KCNH5: variants seen among roughly 807,000 people sequenced by gnomAD.
KCNH5 encodes the protein potassium voltage-gated channel subfamily H member 5, also known as voltage-gated delayed rectifier potassium channel KCNH5.
A neutral mutation model predicts 96.1 loss-of-function variants in KCNH5; 46 were observed. The ratio of observed to expected loss-of-function variants is 0.48; its 90% CI spans 0.38 to 0.61. KCNH5 has a LOEUF of 0.61. Ranked by LOEUF, KCNH5 falls within the 20% of genes least tolerant of loss-of-function variation. The pLI, the probability that KCNH5 is intolerant of heterozygous loss-of-function variation, is 0.00. For synonymous variants in KCNH5, 439 were observed against 449.8 expected (o/e 0.98, Z 0.30); for missense variants, 907 against 1,225.8 (o/e 0.74, Z 3.88).
At chr14:62,830,365 T>C (rs1887317865) in intron 8 of KCNH5, among the ~76,000 whole-genome samples, 1 of 152,186 alleles carries the variant, frequency 6.6e-6, no homozygotes, top group Non-Finnish European at 1.5e-5. Context: ...CTGGTATCAG[T>C]TTCCTGTATT....
rs1182818737 is a variant in KCNH5, at chr14:62,703,222, A to G, written c.*4286T>C. ...TGAAGTTTTATGCTTACCTGCCACTAGCAAACTATGCCTCTCTCCATTAAC... is the reference window on the plus strand; with the variant it reads ...TGAAGTTTTATGCTTACCTGCCACTGGCAAACTATGCCTCTCTCCATTAAC... On this transcript the variant is annotated 3_prime_UTR_variant, in exon 11 of 11. Coordinates refer to ENST00000322893, the MANE Select transcript of KCNH5 (RefSeq NM_139318.5). 6.6e-6 allele frequency: 1 copy of G among 151,918 alleles called. No homozygotes were observed. Among genetic ancestry groups the G allele is most frequent in the Non-Finnish European group, 1.5e-5 (1 of 67,796 alleles). The allele number at this position is 151,918 out of a possible 1,614,324, so 9.4% of individuals were successfully genotyped here.
intron 10 of KCNH5, among the ~76,000 whole-genome samples, chr14:62,762,295 C>A (rs990717066): frequency 2.0e-5 from 3 of 152,152 alleles, no homozygotes; most frequent in African/African-American, 4.8e-5. Context: ...TCTGAGTGAA[C>A]CCTGTCTTCT....
intron 8 of KCNH5, among the ~76,000 whole-genome samples, chr14:62,828,202 T>C (rs986784973): frequency 6.6e-6 from 1 of 152,160 alleles, no homozygotes; most frequent in South Asian, 2.1e-4. Flanking sequence ...TGTTTTTCTA[T>C]ATTTAATTTA....
At chr14:62,816,698 A>C (rs9635174) in intron 8 of KCNH5, among the ~76,000 whole-genome samples, 3 of 151,162 alleles carry the variant, frequency 2.0e-5, no homozygotes, top group African/African-American at 7.3e-5. Flanking sequence ...TAAATAATAT[A>C]TAAGAAACAA....
chr14:62,730,859 T>C (rs1395879755), intron 10 of KCNH5, among the ~76,000 whole-genome samples: 1 of 152,240 alleles, frequency 6.6e-6, no homozygotes, highest in East Asian at 1.9e-4. Flanking sequence ...TGTATTTAAC[T>C]ACATTCCAAA....
chr14:62,812,426 C>A (rs1048449369), intron 8 of KCNH5, among the ~76,000 whole-genome samples: 1 of 152,036 alleles, frequency 6.6e-6, no homozygotes. Flanking sequence ...TACTACTCAC[C>A]CAGAGGAAGA....
At chr14:62,933,021 C>T (rs1889610011) in intron 7 of KCNH5, among the ~76,000 whole-genome samples, 2 of 152,034 alleles carry the variant, frequency 1.3e-5, no homozygotes, top group African/African-American at 2.4e-5. Context: ...AATGGGTCCA[C>T]AAAAGAGAAA....
chr14:62,904,592 C>T (rs555947689), intron 7 of KCNH5, among the ~76,000 whole-genome samples: 3 of 152,270 alleles, frequency 2.0e-5, no homozygotes, highest in African/African-American at 2.4e-5. Context: ...CACACACACA[C>T]GCACATACAT....
At chr14:62,884,218 A>C (rs953551109) in intron 7 of KCNH5, among the ~76,000 whole-genome samples, 4 of 152,222 alleles carry the variant, frequency 2.6e-5, no homozygotes, top group Admixed American at 6.5e-5. Flanking sequence ...CGGCACTAAC[A>C]GCGCTCAGTA....
At chr14:62,855,700 T>C (rs1350191401) in intron 7 of KCNH5, among the ~76,000 whole-genome samples, 1 of 152,182 alleles carries the variant, frequency 6.6e-6, no homozygotes, top group Non-Finnish European at 1.5e-5. Flanking sequence ...TTTTAATATG[T>C]AATATAGTTT....
At chr14:63,017,028 G>C (rs1222970426) in intron 1 of KCNH5, 74 bp from the exon 2 acceptor site, 1 of 1,429,614 alleles carries the variant, frequency 7.0e-7, no homozygotes, top group Non-Finnish European at 9.5e-7. Flanking sequence ...TAATCAAAAA[G>C]GCAAACTTAT....
chr14:62,976,551 T>C (rs2139563149), intron 6 of KCNH5, among the ~76,000 whole-genome samples: 1 of 152,260 alleles, frequency 6.6e-6, no homozygotes, highest in Non-Finnish European at 1.5e-5. Flanking sequence ...AGTCATGCTT[T>C]TCCAGGCTGA....
At chr14:62,932,928 G>A (rs922302270) in intron 7 of KCNH5, among the ~76,000 whole-genome samples, 6 of 152,032 alleles carry the variant, frequency 3.9e-5, no homozygotes, top group African/African-American at 1.4e-4. Flanking sequence ...TTTAAAACAC[G>A]CATAATCTCA....
intron 7 of KCNH5, among the ~76,000 whole-genome samples, chr14:62,908,147 AC>A (rs1023484323): frequency 5.3e-5 from 8 of 152,164 alleles, no homozygotes; most frequent in South Asian, 2.1e-4. Flanking sequence ...ATTTTATTTG[AC>A]CAAAAAAGGG....
At chr14:62,843,476 A>G (rs970286639) in intron 8 of KCNH5, among the ~76,000 whole-genome samples, 4 of 133,454 alleles carry the variant, frequency 3.0e-5, no homozygotes, top group Admixed American at 1.7e-4. Flanking sequence ...CAGTGGGGTG[A>G]TCTCAGCTCA....
intron 7 of KCNH5, among the ~76,000 whole-genome samples, chr14:62,884,530 G>T (rs1262156142): frequency 1.3e-5 from 2 of 152,170 alleles, no homozygotes; most frequent in African/African-American, 4.8e-5. Flanking sequence ...AGAGGCTGAG[G>T]CAGGAGAATT....
In KCNH5 at chr14:62,705,950, C is replaced by T. The variant is rs541081824; in HGVS notation, c.*1558G>A. 2 of 152,152 alleles carry T rather than the reference C, an allele frequency of 1.3e-5. No homozygotes were observed. The highest frequency in any genetic ancestry group is 4.8e-5 in the African/African-American group (2 of 41,526). 9.4% of individuals were successfully genotyped at this position (152,152 alleles called of 1,614,324 possible). The stretch of plus-strand genomic sequence containing the variant: ...TCAACTTCATGCAAACACTAACTCC[C>T]CTGCTCCCCATATTAAATGCTGTGC... On this transcript the variant is annotated 3_prime_UTR_variant, in exon 11 of 11. Transcript: ENST00000322893.
chr14:62,756,512 A>G (rs147799072), intron 10 of KCNH5, among the ~76,000 whole-genome samples: 1 of 152,208 alleles, frequency 6.6e-6, no homozygotes, highest in African/African-American at 2.4e-5. Flanking sequence ...AGCAAAAGGA[A>G]GAAAACTGTA....
intron 7 of KCNH5, among the ~76,000 whole-genome samples, chr14:62,856,192 AAG>A (rs1429995771): frequency 6.6e-6 from 1 of 152,212 alleles, no homozygotes; most frequent in Non-Finnish European, 1.5e-5. Flanking sequence ...TGCTCATGAT[AAG>A]AGATCAAATA....
Sources: allele counts gnomAD v4.1 joint callset (sites outside exome capture counted in the v4.1 genomes callset), GRCh38; gene constraint gnomAD v4.1.1; transcripts MANE v1.5; gene names NCBI Gene and HGNC (gene_info 2026-07-23, HGNC 2026-07-21).